The following GPX3 variants were observed in gnomAD, a reference collection of about 807,000 sequenced individuals.
GPX3 encodes GPx-3.
A neutral mutation model predicts 25.1 loss-of-function variants in GPX3; 22 were observed. The observed-to-expected ratio is 0.88, with a 90% CI of 0.63 to 1.25. The LOEUF (loss-of-function observed/expected upper bound fraction) is 1.25, where lower values mean the gene tolerates loss of function less well. GPX3 is among the 50% of genes most tolerant of loss of function. The pLI is 0.00. For missense variants in GPX3, 278 were observed against 286.6 expected, an observed-to-expected ratio of 0.97 and a Z score of 0.22; for synonymous variants, 110 against 114.5, an observed-to-expected ratio of 0.96 and a Z score of 0.25.
intron 4 of GPX3, 132 bp downstream of exon 4, chr5:151,027,663 AC>A: frequency 2.9e-6 from 2 of 691,598 alleles, no homozygotes; most frequent in Non-Finnish European, 5.1e-6. Context: ...TATTGTTCCA[AC>A]TAGAGGGCTC....
intron 3 of GPX3, 152 bp downstream of exon 3, chr5:151,027,169 G>C (rs1756563203): frequency 3.0e-6 from 2 of 660,664 alleles, no homozygotes; most frequent in Non-Finnish European, 5.4e-6. Context: ...AGGGACAAGA[G>C]AGGGAGAAGG....
chr5:151,028,197 C>G lies in GPX3; in HGVS notation c.*67C>G, dbSNP rs1803677. On this transcript the variant is annotated 3_prime_UTR_variant, in exon 5 of 5. Transcript: ENST00000388825. ...ACTTTGTTCAGGAAGAAATCCGTGT[C>G]TCCAACCACACTATCTACCCATCAC... 7.2e-7 allele frequency: 1 copy of G among 1,385,626 alleles called. No homozygotes were observed. The highest frequency in any genetic ancestry group is 1.0e-6 in the Non-Finnish European group (1 of 997,446). 85.8% of individuals were successfully genotyped at this position (1,385,626 alleles called of 1,614,324 possible).
At chr5:151,025,598 A>G in intron 2 of GPX3, 105 bp downstream of exon 2, 1 of 984,882 alleles carries the variant, frequency 1.0e-6, no homozygotes, top group South Asian at 1.8e-5. Context: ...CAATCACGAG[A>G]GTCCAAGCCC....
Position 151,028,131 on chromosome 5 carries a change from C to T in GPX3, c.*1C>T. ...AGCCCTGGGGGTCAAGAGGAAGTAACTGAAGGCCGTCTCATCCCATGTCCA... is the reference window on the plus strand; with the variant it reads ...AGCCCTGGGGGTCAAGAGGAAGTAATTGAAGGCCGTCTCATCCCATGTCCA... On this transcript the variant is annotated 3_prime_UTR_variant, in exon 5 of 5. Transcript: ENST00000388825. The T allele has an allele frequency of 1.3e-6, 2 of 1,561,752 alleles. No homozygotes were observed. Among genetic ancestry groups the T allele is most frequent in the South Asian group, 2.3e-5 (2 of 85,484 alleles).
intron 3 of GPX3, among the ~76,000 whole-genome samples, chr5:151,027,227 G>T (rs1158229332): frequency 6.6e-6 from 1 of 152,228 alleles, no homozygotes; most frequent in Non-Finnish European, 1.5e-5. Context: ...CACCAAGGTT[G>T]AGGGACACTG....
chr5:151,028,092 A>C lies in GPX3; in HGVS notation c.643A>C (p.Met215Leu), dbSNP rs778364094. Residue 215 changes from methionine to leucine, a missense_variant, in exon 5 of 5, where the codon ATG becomes CTG. Transcript: ENST00000388825. ...CGTCAAGATGGACATCCTGTCCTAC[A>C]TGAGGCGGCAGGCAGCCCTGGGGGT... ...SNVKMDILSY[M>L]RRQAALGVKR... 24 of 1,599,522 alleles carry C rather than the reference A, an allele frequency of 1.5e-5. No individual in the cohort carries two copies. Among genetic ancestry groups the C allele is most frequent in the East Asian group, 1.4e-4 (6 of 44,278 alleles).
chr5:151,021,069 G>C, intron 1 of GPX3: 1 of 350,520 alleles, frequency 2.9e-6, no homozygotes, highest in Non-Finnish European at 5.4e-6. Context: ...TGTCACCTCC[G>C]TGCCTGAGCT....
At chr5:151,026,852 G>C (rs755530001) in intron 2 of GPX3, 48 bp from the exon 3 acceptor site, 1 of 1,379,724 alleles carries the variant, frequency 7.2e-7, no homozygotes, top group Non-Finnish European at 1.0e-6. Flanking sequence ...GATGAGACAG[G>C]GCTCCTCGCC....
Position 151,026,947 on chromosome 5 carries a change from C to G in GPX3, c.289C>G (p.Leu97Val). The change falls in exon 3 of 5, where the codon CTG (leucine) becomes GTG (valine). Residue 97 changes from leucine to valine, a missense_variant. Coordinates refer to ENST00000388825, the MANE Select transcript of GPX3 (RefSeq NM_002084.5). ...EELAPFGLVI[L>V]GFPCNQFGKQ... The stretch of plus-strand genomic sequence containing the variant: ...GCTTGCACCATTCGGTCTGGTCATT[C>G]TGGGCTTTCCCTGCAACCAATTTGG... 1 of 1,614,182 alleles carries G rather than the reference C, an allele frequency of 6.2e-7. No individual in the cohort carries two copies. Among genetic ancestry groups the G allele is most frequent in the Non-Finnish European group, 8.5e-7 (1 of 1,180,014 alleles).
At chr5:151,022,328 G>GT (rs1756489058) in intron 1 of GPX3, among the ~76,000 whole-genome samples, 1 of 152,196 alleles carries the variant, frequency 6.6e-6, no homozygotes, top group African/African-American at 2.4e-5. Context: ...TGTCTTCTCT[G>GT]CAGCACTCTG....
intron 1 of GPX3, among the ~76,000 whole-genome samples, chr5:151,025,003 G>C (rs1756526365): frequency 6.6e-6 from 1 of 152,196 alleles, no homozygotes; most frequent in Non-Finnish European, 1.5e-5. Flanking sequence ...AAATTGACAT[G>C]TGATGTGGAA....
chr5:151,020,913 CG>C, intron 1 of GPX3, 172 bp downstream of exon 1: 1 of 696,992 alleles, frequency 1.4e-6, no homozygotes, highest in Non-Finnish European at 2.6e-6. Context: ...ACCCCGCCCC[CG>C]ACCGTCGTCG....
rs907322628 is a variant in GPX3, at chr5:151,028,888, G to A, written c.*758G>A. ...GCATTCAGGCTAAGGCCCCTGGGCA[G>A]GGATGCCACCCCTGCTCCTTCGGAG... On this transcript the variant is annotated 3_prime_UTR_variant, in exon 5 of 5. Coordinates refer to ENST00000388825, the MANE Select transcript of GPX3 (RefSeq NM_002084.5). 1.3e-5 allele frequency: 2 copies of A among 152,922 alleles called. No homozygotes were observed. The highest frequency in any genetic ancestry group is 4.8e-5 in the African/African-American group (2 of 41,470). 9.5% of individuals were successfully genotyped at this position (152,922 alleles called of 1,614,324 possible).
In GPX3 at chr5:151,028,822, G is replaced by A. The variant is rs2113153163; in HGVS notation, c.*692G>A. 6.5e-6 allele frequency: 1 copy of A among 153,292 alleles called. No homozygotes were observed. The highest frequency in any genetic ancestry group is 1.9e-4 in the East Asian group (1 of 5,296). 9.5% of individuals were successfully genotyped at this position (153,292 alleles called of 1,614,324 possible). A position where few individuals can be genotyped will look rare whatever the true frequency, so the allele number is the denominator to read the frequency against. ...AGGGAGGGGCCCAAAGCCCTTGTGGGCGGACCTCCCCTGAGCCTGTCTGAG... is the reference window on the plus strand; with the variant it reads ...AGGGAGGGGCCCAAAGCCCTTGTGGACGGACCTCCCCTGAGCCTGTCTGAG... On this transcript the variant is annotated 3_prime_UTR_variant, in exon 5 of 5. Transcript: ENST00000388825.
At position 151,027,987 on chromosome 5, in the gene GPX3, C is replaced by T; in HGVS notation, c.538C>T (p.Arg180Cys). 5.0e-6 allele frequency: 8 copies of T among 1,614,200 alleles called. No homozygotes were observed. The highest frequency in any genetic ancestry group is 1.3e-5 in the African/African-American group (1 of 75,040). Reference protein sequence around the residue: ...FWEPMKVHDIRWNFEKFLVGP... With the variant: ...FWEPMKVHDICWNFEKFLVGP... ...GGAACCCATGAAGGTTCACGACATCCGCTGGAACTTTGAGAAGTTCCTGGT... is the reference window on the plus strand; with the variant it reads ...GGAACCCATGAAGGTTCACGACATCTGCTGGAACTTTGAGAAGTTCCTGGT... The change falls in exon 5 of 5, where the codon CGC (arginine) becomes TGC (cysteine). Residue 180 changes from arginine (R) to cysteine (C), a missense_variant. Coordinates refer to ENST00000388825, the MANE Select transcript of GPX3 (RefSeq NM_002084.5).
rs1397738691 is a variant in GPX3, at chr5:151,028,202, A to C, written c.*72A>C. 3.7e-6 allele frequency: 5 copies of C among 1,342,454 alleles called. No homozygotes were observed. Among genetic ancestry groups the C allele is most frequent in the Non-Finnish European group, 5.2e-6 (5 of 958,444 alleles). The allele number at this position is 1,342,454 out of a possible 1,614,324, so 83.2% of individuals were successfully genotyped here. A position where few individuals can be genotyped will look rare whatever the true frequency, so the allele number is the denominator to read the frequency against. On this transcript the variant is annotated 3_prime_UTR_variant, in exon 5 of 5. Coordinates refer to ENST00000388825, the MANE Select transcript of GPX3 (RefSeq NM_002084.5). ...GTTCAGGAAGAAATCCGTGTCTCCA[A>C]CCACACTATCTACCCATCACAGACC...
intron 1 of GPX3, chr5:151,021,985 C>T (rs1173657816): frequency 1.3e-5 from 2 of 152,258 alleles, no homozygotes. Flanking sequence ...CACAGGGTTC[C>T]TTCCATGTTA....
rs758378427 is a variant in GPX3 at position 151,020,675 on chromosome 5, G to A, written c.21G>A (p.Ala7=). 6.2e-6 allele frequency: 10 copies of A among 1,610,764 alleles called. No individual in the cohort carries two copies. Among genetic ancestry groups the A allele is most frequent in the African/African-American group, 4.0e-5 (3 of 74,916 alleles). MARLLQ[A]SCLLSLLLAG... ...CCGCCATGGCCCGGCTGCTGCAGGCGTCCTGCCTGCTTTCCCTGCTCCTGG... is the reference window on the plus strand; with the variant it reads ...CCGCCATGGCCCGGCTGCTGCAGGCATCCTGCCTGCTTTCCCTGCTCCTGG... Residue 7 remains alanine (A), a synonymous_variant, in exon 1 of 5, where the codon GCG becomes GCA. Coordinates refer to ENST00000388825, the MANE Select transcript of GPX3 (RefSeq NM_002084.5).
At position 151,028,884 on chromosome 5, in the gene GPX3, G is replaced by C. The variant is rs1291573461; in HGVS notation, c.*754G>C. On this transcript the variant is annotated 3_prime_UTR_variant, in exon 5 of 5. Coordinates refer to ENST00000388825, the MANE Select transcript of GPX3 (RefSeq NM_002084.5). ...TAGTGCATTCAGGCTAAGGCCCCTG[G>C]GCAGGGATGCCACCCCTGCTCCTTC... 1 of 152,858 alleles carries C rather than the reference G, an allele frequency of 6.5e-6. No homozygotes were observed. Among genetic ancestry groups the C allele is most frequent in the Admixed American group, 6.5e-5 (1 of 15,282 alleles). 9.5% of individuals were successfully genotyped at this position (152,858 alleles called of 1,614,324 possible).
Sources: gnomAD v4.1 joint callset for allele counts (sites outside exome capture counted in the v4.1 genomes callset) on GRCh38, gnomAD v4.1.1 for gene constraint, MANE v1.5 for transcripts, NCBI Gene and HGNC (gene_info 2026-07-23, HGNC 2026-07-21) for gene names.